NUDCD3: variants seen among roughly 807,000 people sequenced by gnomAD.
NUDCD3 encodes the protein NudC domain containing 3.
A neutral mutation model predicts 39.7 loss-of-function variants in NUDCD3; 13 were observed. That is an observed-to-expected ratio of 0.33 (90% CI 0.21 to 0.52). The LOEUF (loss-of-function observed/expected upper bound fraction) is 0.52. Among genes scored for constraint, NUDCD3 ranks in the 20% least tolerant of loss-of-function variants. NUDCD3 has a pLI of 0.96. For synonymous variants in NUDCD3, 175 were observed against 172.4 expected, an observed-to-expected ratio of 1.02 and a Z score of -0.12; for missense variants, 453 against 458.1, an observed-to-expected ratio of 0.99 and a Z score of 0.10.
At chr7:44,460,507 C>G (rs1799985335) in intron 2 of NUDCD3, among the ~76,000 whole-genome samples, 1 of 152,100 alleles carries the variant, frequency 6.6e-6, no homozygotes, top group African/African-American at 2.4e-5. Context: ...GTATGCCAGA[C>G]TCTACCACGT....
chr7:44,428,327 T>C (rs1799279381), intron 2 of NUDCD3, among the ~76,000 whole-genome samples: 1 of 151,836 alleles, frequency 6.6e-6, no homozygotes, highest in South Asian at 2.1e-4. Context: ...TCCCAGCTAC[T>C]TGGGAGGCTT....
At chr7:44,466,546 AC>A (rs1429800087) in intron 2 of NUDCD3, among the ~76,000 whole-genome samples, 1 of 152,218 alleles carries the variant, frequency 6.6e-6, no homozygotes, top group African/African-American at 2.4e-5. Context: ...CCACTCTGGT[AC>A]CAGGCTCAGC....
chr7:44,485,425 C>T, intron 1 of NUDCD3, 141 bp from the exon 2 acceptor site: 1 of 660,806 alleles, frequency 1.5e-6, no homozygotes, highest in African/African-American at 1.8e-5. Context: ...AATGGAAATG[C>T]ACTGCCACTT....
intron 2 of NUDCD3, among the ~76,000 whole-genome samples, chr7:44,483,302 T>C (rs1373774873): frequency 3.3e-5 from 5 of 152,098 alleles, no homozygotes; most frequent in African/African-American, 1.2e-4. Context: ...ATGATAGTCT[T>C]TAAAATGTTT....
At chr7:44,467,926 C>T (rs764293871) in intron 2 of NUDCD3, 2 of 1,607,994 alleles carry the variant, frequency 1.2e-6, no homozygotes, top group Non-Finnish European at 8.5e-7. Context: ...TTGTGAAGCC[C>T]AAGATCGTCA....
At chr7:44,451,691 A>T (rs990895730) in intron 2 of NUDCD3, among the ~76,000 whole-genome samples, 3 of 152,160 alleles carry the variant, frequency 2.0e-5, no homozygotes, top group African/African-American at 7.2e-5. Flanking sequence ...ACTGTTCATT[A>T]GCTTGATTGT....
intron 2 of NUDCD3, among the ~76,000 whole-genome samples, chr7:44,455,258 A>G (rs1157756946): frequency 6.6e-6 from 1 of 152,002 alleles, no homozygotes; most frequent in Non-Finnish European, 1.5e-5. Flanking sequence ...AGTCAATCAC[A>G]TGCTTCTTAT....
At chr7:44,462,435 C>T (rs547483621) in intron 2 of NUDCD3, among the ~76,000 whole-genome samples, 156 of 152,302 alleles carry the variant, frequency 1.0e-3, no homozygotes, top group Middle Eastern at 3.4e-3. Flanking sequence ...ACTCTAAAAT[C>T]CCCTAATGAC....
chr7:44,401,241 G>A (rs930505855), intron 4 of NUDCD3, among the ~76,000 whole-genome samples: 3 of 152,212 alleles, frequency 2.0e-5, no homozygotes, highest in African/African-American at 7.2e-5. Context: ...GCAGCAAGCG[G>A]GAGGCAAACA....
intron 2 of NUDCD3, among the ~76,000 whole-genome samples, chr7:44,481,019 T>G (rs991918655): frequency 6.8e-6 from 1 of 147,444 alleles, no homozygotes; most frequent in Admixed American, 6.8e-5. Context: ...GTGCTGAACA[T>G]GTACAAACTT....
intron 3 of NUDCD3, among the ~76,000 whole-genome samples, chr7:44,418,934 G>A (rs889291913): frequency 3.3e-5 from 5 of 152,170 alleles, no homozygotes; most frequent in South Asian, 2.1e-4. Context: ...AGATTCCCTC[G>A]TGTGCCTACA....
intron 2 of NUDCD3, among the ~76,000 whole-genome samples, chr7:44,449,852 T>TAAAA (rs58410314): frequency 2.0e-5 from 2 of 100,842 alleles, no homozygotes; most frequent in Non-Finnish European, 4.2e-5. Flanking sequence ...ACATGATCCA[T>TAAAA]AAAAAAAAAA....
intron 2 of NUDCD3, among the ~76,000 whole-genome samples, chr7:44,458,111 C>A (rs1366746225): frequency 6.6e-6 from 1 of 152,110 alleles, no homozygotes; most frequent in African/African-American, 2.4e-5. Context: ...TATGTCCATA[C>A]AATAAAATAT....
chr7:44,488,338 GAAAAAAA>G (rs368893785), intron 1 of NUDCD3, among the ~76,000 whole-genome samples: 13 of 108,252 alleles, frequency 1.2e-4, no homozygotes, highest in East Asian at 8.4e-4. Flanking sequence ...CCATCTCCAG[GAAAAAAA>G]AAAAAAAAAA....
At chr7:44,450,472 C>T (rs952304859) in intron 2 of NUDCD3, among the ~76,000 whole-genome samples, 1 of 151,868 alleles carries the variant, frequency 6.6e-6, no homozygotes, top group Non-Finnish European at 1.5e-5. Context: ...GCCACTGCGC[C>T]CGGCCAAGAA....
At chr7:44,409,408 A>G (rs1213805857) in intron 3 of NUDCD3, among the ~76,000 whole-genome samples, 2 of 152,244 alleles carry the variant, frequency 1.3e-5, no homozygotes, top group Admixed American at 6.5e-5. Flanking sequence ...CACTGGTCAG[A>G]CACAATAAAG....
At chr7:44,396,839 C>A (rs1246793260) in intron 4 of NUDCD3, among the ~76,000 whole-genome samples, 1 of 152,208 alleles carries the variant, frequency 6.6e-6, no homozygotes, top group Admixed American at 6.5e-5. Context: ...ACACCCAGTG[C>A]AAGATGCAGT....
chr7:44,435,667 C>G (rs1404928027), intron 2 of NUDCD3, among the ~76,000 whole-genome samples: 1 of 152,204 alleles, frequency 6.6e-6, no homozygotes. Context: ...CTATCTTGCA[C>G]CATCTTCTGT....
intron 2 of NUDCD3, among the ~76,000 whole-genome samples, chr7:44,434,983 G>A (rs1021496711): frequency 5.3e-5 from 8 of 152,144 alleles, no homozygotes; most frequent in Non-Finnish European, 7.3e-5. Context: ...AAAGTCTTTG[G>A]CTATGGAAAG....
Sources: gnomAD v4.1 joint callset for allele counts (sites outside exome capture counted in the v4.1 genomes callset) on GRCh38, gnomAD v4.1.1 for gene constraint, MANE v1.5 for transcripts, NCBI Gene and HGNC (gene_info 2026-07-23, HGNC 2026-07-21) for gene names.